The following CTNNA3 variants were observed in gnomAD, a reference collection of about 807,000 sequenced individuals.
CTNNA3 encodes catenin alpha-3.
A neutral mutation model predicts 95.7 loss-of-function variants in CTNNA3; 76 were observed. That is an observed-to-expected ratio of 0.79 (90% CI 0.66 to 0.96). The LOEUF (loss-of-function observed/expected upper bound fraction) is 0.96, where lower values mean the gene tolerates loss of function less well. Among genes scored for constraint, CTNNA3 ranks in the 40% least tolerant of loss-of-function variants. CTNNA3 has a pLI of 0.00. For missense variants in CTNNA3, 1,191 were observed against 1,089.8 expected (o/e 1.09, Z -1.31); for synonymous variants, 431 against 374.4 (o/e 1.15, Z -1.74).
chr10:66,788,170 TG>T (rs895089796), intron 7 of CTNNA3, among the ~76,000 whole-genome samples: 3 of 152,140 alleles, frequency 2.0e-5, no homozygotes, highest in African/African-American at 7.2e-5. Flanking sequence ...GAATCTTAAG[TG>T]TTAGACTTTT....
chr10:66,359,732 G>T (rs1182347820), intron 12 of CTNNA3, among the ~76,000 whole-genome samples: 1 of 151,960 alleles, frequency 6.6e-6, no homozygotes, highest in Non-Finnish European at 1.5e-5. Flanking sequence ...TTCATTATTT[G>T]ATAGGTACAG....
intron 5 of CTNNA3, among the ~76,000 whole-genome samples, chr10:67,380,063 A>C (rs921227587): frequency 2.0e-4 from 31 of 151,874 alleles, no homozygotes; most frequent in African/African-American, 7.5e-4. Context: ...TGGAGAGCAA[A>C]CAGAACACTT....
At chr10:67,350,942 T>A (rs1330823690) in intron 5 of CTNNA3, among the ~76,000 whole-genome samples, 7 of 146,686 alleles carry the variant, frequency 4.8e-5, no homozygotes, top group Non-Finnish European at 8.9e-5. Context: ...GCATTATTCA[T>A]AATTACCAAA....
chr10:67,170,302 C>T (rs1861960311), intron 7 of CTNNA3, among the ~76,000 whole-genome samples: 1 of 152,112 alleles, frequency 6.6e-6, no homozygotes, highest in Non-Finnish European at 1.5e-5. Flanking sequence ...ATCATTCTAT[C>T]ATAAAGACAC....
intron 7 of CTNNA3, among the ~76,000 whole-genome samples, chr10:66,936,185 A>AAC (rs901972380): frequency 6.6e-6 from 1 of 152,152 alleles, no homozygotes; most frequent in Non-Finnish European, 1.5e-5. Context: ...TTTATGGTCT[A>AAC]ACACACACAG....
chr10:67,114,756 G>A (rs1859085626), intron 7 of CTNNA3, among the ~76,000 whole-genome samples: 1 of 150,896 alleles, frequency 6.6e-6, no homozygotes, highest in East Asian at 1.9e-4. Context: ...AGCATGTGGG[G>A]AAGGTGTCCT....
chr10:66,799,729 C>G (rs565892841), intron 7 of CTNNA3, among the ~76,000 whole-genome samples: 6 of 150,834 alleles, frequency 4.0e-5, no homozygotes, highest in African/African-American at 1.5e-4. Context: ...TTTCCACACC[C>G]GAAGAAAGGA....
intron 5 of CTNNA3, among the ~76,000 whole-genome samples, chr10:67,295,000 G>A (rs1871614): frequency 0.3 from 46,067 of 152,034 alleles, 11,560 homozygotes; most frequent in African/African-American, 0.69. Context: ...ATGAGTACTC[G>A]TTGAATTAAA....
chr10:66,218,020 T>C (rs1198743538), intron 13 of CTNNA3, among the ~76,000 whole-genome samples: 2 of 152,150 alleles, frequency 1.3e-5, no homozygotes, highest in African/African-American at 4.8e-5. Context: ...GAGCCAGGCC[T>C]CTCCAGCTCC....
At chr10:66,651,437 G>T (rs1194497252) in intron 9 of CTNNA3, among the ~76,000 whole-genome samples, 2 of 140,812 alleles carry the variant, frequency 1.4e-5, no homozygotes, top group Non-Finnish European at 3.0e-5. Flanking sequence ...GGGCTGAGCT[G>T]CCTGCCAGTC....
intron 7 of CTNNA3, among the ~76,000 whole-genome samples, chr10:67,129,421 A>C (rs12259229): frequency 0.018 from 2,682 of 152,274 alleles, 59 homozygotes; most frequent in African/African-American, 0.061. Flanking sequence ...ACTTGCTTTT[A>C]AGTTAACAAC....
chr10:67,203,544 T>C (rs897889995), intron 6 of CTNNA3, among the ~76,000 whole-genome samples: 3 of 152,216 alleles, frequency 2.0e-5, no homozygotes, highest in African/African-American at 7.2e-5. Context: ...ATCTAAGCTA[T>C]CTTGGGCCAC....
chr10:66,296,532 C>T (rs532819966), intron 12 of CTNNA3, among the ~76,000 whole-genome samples: 1 of 151,798 alleles, frequency 6.6e-6, no homozygotes, highest in East Asian at 1.9e-4. Flanking sequence ...ACAAAATAAA[C>T]TCACACACAC....
At chr10:67,190,781 A>G (rs1863084430) in intron 6 of CTNNA3, among the ~76,000 whole-genome samples, 1 of 152,016 alleles carries the variant, frequency 6.6e-6, no homozygotes, top group South Asian at 2.1e-4. Flanking sequence ...CTTTTAAAAA[A>G]TAAAGACATC....
rs151179462 is a variant in CTNNA3, at chr10:67,553,191, C to T, written c.293-13522G>A. ...TGCTCTTCAATAAAGTTCAACAACT[C>T]CTTTCTCTCCATAATAGACCCTCAG... is the stretch of plus-strand genomic sequence containing the variant. On this transcript the variant is annotated intron_variant, in intron 3 of 17. Transcript: ENST00000433211. Among the ~76,000 whole-genome samples the T allele has an allele frequency of 8.1e-4, 123 of 152,252 alleles. 1 individual carries two copies. Among genetic ancestry groups the T allele is most frequent in the Middle Eastern group, 6.8e-3 (2 of 294 alleles).
intron 7 of CTNNA3, among the ~76,000 whole-genome samples, chr10:67,070,452 T>G (rs1187098708): frequency 6.6e-6 from 1 of 152,084 alleles, no homozygotes; most frequent in Non-Finnish European, 1.5e-5. Flanking sequence ...TGTGTCCCGA[T>G]TAAGAAATCC....
intron 5 of CTNNA3, among the ~76,000 whole-genome samples, chr10:67,264,964 T>C (rs771252971): frequency 4.6e-5 from 7 of 152,136 alleles, no homozygotes; most frequent in Non-Finnish European, 1.0e-4. Flanking sequence ...AATGACTTCG[T>C]ATCAAGGGTA....
intron 13 of CTNNA3, among the ~76,000 whole-genome samples, chr10:66,201,796 T>C (rs1402794671): frequency 1.4e-5 from 2 of 144,506 alleles, no homozygotes; most frequent in Non-Finnish European, 3.0e-5. Context: ...TTTTTTTTTT[T>C]TTTTTTTTTG....
chr10:66,451,638 T>C (rs1444169186), intron 11 of CTNNA3, among the ~76,000 whole-genome samples: 1 of 152,144 alleles, frequency 6.6e-6, no homozygotes, highest in Non-Finnish European at 1.5e-5. Flanking sequence ...TTTAAGTATT[T>C]CAAGTAGTTT....
Sources: allele counts gnomAD v4.1 joint callset (sites outside exome capture counted in the v4.1 genomes callset), GRCh38; gene constraint gnomAD v4.1.1; transcripts MANE v1.5; gene names NCBI Gene and HGNC (gene_info 2026-07-23, HGNC 2026-07-21).